The following LPGAT1 variants were observed in gnomAD, a reference collection of about 807,000 sequenced individuals.
LPGAT1 encodes the protein acyl-CoA:lysophosphatidylglycerol acyltransferase 1.
LPGAT1 carries 11 observed loss-of-function variants against 47.5 expected under a neutral mutation model. That is an observed-to-expected ratio of 0.23 (90% confidence interval 0.15 to 0.38). The LOEUF is 0.38. Among genes scored for constraint, LPGAT1 ranks in the 10% least tolerant of loss-of-function variants. The pLI is 1.00. For missense variants in LPGAT1, 293 were observed against 439.0 expected (o/e 0.67, Z 2.97); for synonymous variants, 138 against 144.2 (o/e 0.96, Z 0.31).
chr1:211,795,620 G>A (rs2102560151), intron 2 of LPGAT1, among the ~76,000 whole-genome samples: 1 of 152,270 alleles, frequency 6.6e-6, no homozygotes, highest in South Asian at 2.1e-4. Flanking sequence ...GCCCACCTCG[G>A]CCTCCCAACG....
intron 6 of LPGAT1, among the ~76,000 whole-genome samples, chr1:211,755,386 T>C (rs1275496316): frequency 1.3e-5 from 2 of 151,420 alleles, no homozygotes; most frequent in African/African-American, 4.8e-5. Context: ...GTATAGATAG[T>C]AGAACATGAT....
intron 2 of LPGAT1, among the ~76,000 whole-genome samples, chr1:211,822,322 T>A (rs908626087): frequency 4.6e-5 from 7 of 152,188 alleles, no homozygotes; most frequent in African/African-American, 1.7e-4. Flanking sequence ...GGACATCAAA[T>A]TTGTAGTACC....
intron 4 of LPGAT1, among the ~76,000 whole-genome samples, chr1:211,785,516 A>G (rs1178603165): frequency 1.3e-5 from 2 of 152,170 alleles, no homozygotes; most frequent in Non-Finnish European, 2.9e-5. Context: ...TATGTATGCA[A>G]AACTTCACAT....
At chr1:211,750,552 C>G (rs1438597989) in intron 7 of LPGAT1, among the ~76,000 whole-genome samples, 4 of 152,184 alleles carry the variant, frequency 2.6e-5, no homozygotes, top group African/African-American at 9.7e-5. Context: ...TCTGAAATAG[C>G]ACACTTTATG....
chr1:211,777,879 GAC>G (rs1198640292), intron 6 of LPGAT1, among the ~76,000 whole-genome samples: 1 of 152,066 alleles, frequency 6.6e-6, no homozygotes, highest in African/African-American at 2.4e-5. Context: ...AGGTCATAAA[GAC>G]CTTGCTAATA....
chr1:211,771,187 T>A (rs1042514317), intron 6 of LPGAT1, among the ~76,000 whole-genome samples: 1 of 152,012 alleles, frequency 6.6e-6, no homozygotes, highest in South Asian at 2.1e-4. Flanking sequence ...TGTGGTCCAA[T>A]TGCCTACAGT....
At chr1:211,809,805 T>C (rs899628016) in intron 2 of LPGAT1, among the ~76,000 whole-genome samples, 3 of 152,170 alleles carry the variant, frequency 2.0e-5, no homozygotes, top group African/African-American at 7.2e-5. Context: ...CTTTCCTTTA[T>C]AAATTACCCA....
chr1:211,778,820 A>G, intron 6 of LPGAT1, 98 bp downstream of exon 6: 2 of 994,160 alleles, frequency 2.0e-6, no homozygotes, highest in Non-Finnish European at 2.8e-6. Context: ...TGAGCCAACT[A>G]TTTCTACTGT....
At chr1:211,751,101 T>C in intron 6 of LPGAT1, 34 bp from the exon 7 acceptor site, 1 of 1,374,334 alleles carries the variant, frequency 7.3e-7, no homozygotes, top group Non-Finnish European at 1.0e-6. Context: ...ACAAAAACTA[T>C]TTAGTTCAGA....
At chr1:211,817,633 G>A (rs1397039666) in intron 2 of LPGAT1, among the ~76,000 whole-genome samples, 1 of 151,626 alleles carries the variant, frequency 6.6e-6, no homozygotes, top group East Asian at 1.9e-4. Flanking sequence ...ATATTCTTAA[G>A]AAGAAATGAG....
intron 6 of LPGAT1, among the ~76,000 whole-genome samples, chr1:211,774,714 AAT>A (rs1156784716): frequency 1.3e-5 from 2 of 152,344 alleles, no homozygotes; most frequent in African/African-American, 2.4e-5. Flanking sequence ...ATATAAAAAT[AAT>A]GTGTATTTTA....
intron 6 of LPGAT1, among the ~76,000 whole-genome samples, chr1:211,755,866 A>T (rs1657424841): frequency 6.6e-6 from 1 of 152,222 alleles, no homozygotes; most frequent in South Asian, 2.1e-4. Flanking sequence ...TACAGCAGTA[A>T]TATAAAAGCG....
In LPGAT1 at chr1:211,810,550, AGCT is replaced by A. The variant is rs145675777; in HGVS notation, c.239-17363_239-17361del. Among the ~76,000 whole-genome samples, 1,268 of 152,292 alleles carry A rather than the reference AGCT, an allele frequency of 8.3e-3. 20 individuals are homozygous for A. Among genetic ancestry groups the A allele is most frequent in the African/African-American group, 0.029 (1,184 of 41,542 alleles). ...CCATCATCATGCCAGCATCTCACTTAGCTGTGTGATTTTTGCTTTTTAAAGGTA... is the reference window on the plus strand; with the variant it reads ...CCATCATCATGCCAGCATCTCACTTAGTGTGATTTTTGCTTTTTAAAGGTA... On this transcript the variant is annotated intron_variant, in intron 2 of 7. Transcript: ENST00000366997.
Position 211,823,159 on chromosome 1 carries a change from T to C in LPGAT1, c.238+5900A>G, listed in dbSNP as rs543306904. Among the ~76,000 whole-genome samples the C allele has an allele frequency of 4.6e-5, 7 of 152,290 alleles. No homozygotes were observed. In the South Asian group the frequency reaches 1.2e-3, roughly 27 times the overall value. Reference sequence around the variant, plus strand: ...ATACAAAAATCAACTTGTGGCAACATCAATCCAGTTAATGCTTCTGGGGAA... The same window carrying C: ...ATACAAAAATCAACTTGTGGCAACACCAATCCAGTTAATGCTTCTGGGGAA... On this transcript the variant is annotated intron_variant, in intron 2 of 7. Transcript: ENST00000366997.
intron 6 of LPGAT1, among the ~76,000 whole-genome samples, chr1:211,776,054 T>C (rs201102501): frequency 6.6e-6 from 1 of 151,382 alleles, no homozygotes; most frequent in East Asian, 1.9e-4. Context: ...TGTTGGCTCT[T>C]TTTTTTTTCT....
chr1:211,818,113 G>A lies in LPGAT1; in HGVS notation c.238+10946C>T, dbSNP rs183703914. On this transcript the variant is annotated intron_variant, in intron 2 of 7. Coordinates refer to ENST00000366997, the MANE Select transcript of LPGAT1 (RefSeq NM_014873.3). ...GCCTTCCGAAGTGCTAGGATTACAC[G>A]CGTGAACCACCGTACCCAGCCAACT... Among the ~76,000 whole-genome samples the A allele has an allele frequency of 1.1e-3, 172 of 152,200 alleles. 2 individuals are homozygous for A. Among genetic ancestry groups the A allele is most frequent in the African/African-American group, 3.6e-3 (151 of 41,526 alleles).
At chr1:211,782,226 T>C (rs1404428668) in intron 5 of LPGAT1, among the ~76,000 whole-genome samples, 1 of 152,236 alleles carries the variant, frequency 6.6e-6, no homozygotes, top group Non-Finnish European at 1.5e-5. Context: ...TGTATGGATA[T>C]TTGATAATTA....
chr1:211,806,246 C>A (rs1380874979), intron 2 of LPGAT1, among the ~76,000 whole-genome samples: 3 of 140,642 alleles, frequency 2.1e-5, no homozygotes, highest in Non-Finnish European at 3.0e-5. Context: ...GGAAACAGGG[C>A]GAGGGTCTGT....
chr1:211,785,495 A>C lies in LPGAT1; in HGVS notation c.454-1993T>G, dbSNP rs142886929. On this transcript the variant is annotated intron_variant, in intron 4 of 7. Transcript: ENST00000366997. ...TTTGTAAACTTTCCAGAAACTTCGA[A>C]ATATAATCTTTATGTATGCAAAACT... Among the ~76,000 whole-genome samples, 48 of 152,296 alleles carry C rather than the reference A, an allele frequency of 3.2e-4. No individual in the cohort carries two copies. The East Asian group carries it at 4.4e-3, about 14-fold the overall frequency.
Sources: allele counts gnomAD v4.1 joint callset (sites outside exome capture counted in the v4.1 genomes callset), GRCh38; gene constraint gnomAD v4.1.1; transcripts MANE v1.5; gene names NCBI Gene and HGNC (gene_info 2026-07-23, HGNC 2026-07-21).